ATXN10: variants seen among roughly 807,000 people sequenced by gnomAD.
ATXN10 encodes the protein ataxin 10.
A neutral mutation model predicts 52.9 loss-of-function variants in ATXN10; 28 were observed. The observed-to-expected ratio is 0.53, with a 90% CI of 0.39 to 0.73. The LOEUF is 0.73. Ranked by LOEUF, ATXN10 falls within the 30% of genes least tolerant of loss-of-function variation. The pLI is 0.00. For missense variants in ATXN10, 565 were observed against 577.0 expected, an observed-to-expected ratio of 0.98 and a Z score of 0.21; for synonymous variants, 226 against 221.5, an observed-to-expected ratio of 1.02 and a Z score of -0.18.
chr22:45,679,716 T>C (rs1922844175), intron 1 of ATXN10: 1 of 152,228 alleles, frequency 6.6e-6, no homozygotes. Flanking sequence ...TCAATTAAGT[T>C]ACACTATAAA....
At position 45,827,194 on chromosome 22, in the gene ATXN10, GGAAAT is replaced by G. The variant is rs761204695; in HGVS notation, c.1238-15792_1238-15788del. On this transcript the variant is annotated intron_variant, in intron 10 of 11. Transcript: ENST00000252934. ...ACACGGCTATAGAATATACACAAAA[GGAAAT>G]GAAAAAGGAACTTAAACATTTCAGT... Among the ~76,000 whole-genome samples, 161 of 146,066 alleles carry G rather than the reference GGAAAT, an allele frequency of 1.1e-3. 1 individual carries two copies. Among genetic ancestry groups the G allele is most frequent in the Non-Finnish European group, 5.6e-4 (37 of 65,786 alleles).
chr22:45,775,671 CT>C lies in ATXN10; in HGVS notation c.1174-31286del, dbSNP rs1180322782. ...GTGACTATTTATAATAAAAATGTGA[CT>C]TGCAGTATTGTTATTGAGAGAGATT... is the stretch of plus-strand genomic sequence containing the variant. On this transcript the variant is annotated intron_variant, in intron 9 of 11. Transcript: ENST00000252934. This position sits in a 1 kb window ranked among gnomAD's most constrained non-coding sequence, Gnocchi z 4.7. Among the ~76,000 whole-genome samples the C allele has an allele frequency of 6.6e-5, 10 of 152,136 alleles. No individual in the cohort carries two copies. Among genetic ancestry groups the C allele is most frequent in the African/African-American group, 2.4e-4 (10 of 41,408 alleles).
chr22:45,716,783 C>A (rs893713923), intron 5 of ATXN10, among the ~76,000 whole-genome samples: 1 of 152,030 alleles, frequency 6.6e-6, no homozygotes. Flanking sequence ...AAACATAAGA[C>A]AAAAACAATA....
Position 45,843,299 on chromosome 22 carries a change from A to G in ATXN10, c.1425+121A>G. 9 of 1,163,182 alleles carry G rather than the reference A, an allele frequency of 7.7e-6. No homozygotes were observed. The highest frequency in any genetic ancestry group is 1.0e-5 in the Non-Finnish European group (8 of 796,376). 72.1% of individuals were successfully genotyped at this position (1,163,182 alleles called of 1,614,324 possible). A position where few individuals can be genotyped will look rare whatever the true frequency, so the allele number is the denominator to read the frequency against. On this transcript the variant is annotated intron_variant, in intron 11 of 11. Transcript: ENST00000252934. This position sits in a 1 kb window ranked among gnomAD's most constrained non-coding sequence, Gnocchi z 4.5. ...TGGATGGGAGAATTGTGCCCTCTAT[A>G]GTGGTTTACCGAGGAAAGCCCTAAA...
intron 8 of ATXN10, 65 bp downstream of exon 8, chr22:45,738,904 A>G: frequency 7.5e-7 from 1 of 1,334,284 alleles, no homozygotes; most frequent in Non-Finnish European, 1.1e-6. Context: ...ACTGTAATAT[A>G]AATCCAAATA....
At position 45,690,651 on chromosome 22, in the gene ATXN10, A is replaced by T. The variant is rs890741120; in HGVS notation, c.308+748A>T. Among the ~76,000 whole-genome samples the T allele has an allele frequency of 2.0e-5, 3 of 152,174 alleles. No homozygotes were observed. Among genetic ancestry groups the T allele is most frequent in the Non-Finnish European group, 4.4e-5 (3 of 68,040 alleles). On this transcript the variant is annotated intron_variant, in intron 2 of 11. Transcript: ENST00000252934. This position sits in a 1 kb window ranked among gnomAD's most constrained non-coding sequence, Gnocchi z 4.5. The stretch of plus-strand genomic sequence containing the variant: ...GCATATTTTGTAAATTTACAAGATG[A>T]CCTGTCTTTCCTAAAGATCATGTAA...
rs1376594621 is a variant in ATXN10 at position 45,790,926 on chromosome 22, C to T, written c.1174-16033C>T. On this transcript the variant is annotated intron_variant, in intron 9 of 11. Coordinates refer to ENST00000252934, the MANE Select transcript of ATXN10 (RefSeq NM_013236.4). The surrounding 1 kb of genome is among the most constrained non-coding windows in gnomAD (Gnocchi z 4.7). ...CTGCAGTGCAGTGGCACAGACATAGCTTACTGTACTCTCGAACTCCTGGGC... is the reference window on the plus strand; with the variant it reads ...CTGCAGTGCAGTGGCACAGACATAGTTTACTGTACTCTCGAACTCCTGGGC... 6.6e-6 allele frequency among the ~76,000 whole-genome samples: 1 copy of T among 152,222 alleles called. No homozygotes were observed. The highest frequency in any genetic ancestry group is 1.5e-5 in the Non-Finnish European group (1 of 68,034).
chr22:45,713,436 T>G, intron 5 of ATXN10, among the ~76,000 whole-genome samples: 1 of 152,186 alleles, frequency 6.6e-6, no homozygotes, highest in East Asian at 1.9e-4. Context: ...TGTGATGACA[T>G]TTAAATGATG....
Position 45,780,612 on chromosome 22 carries a change from C to G in ATXN10, c.1174-26347C>G, listed in dbSNP as rs1198192116. The stretch of plus-strand genomic sequence containing the variant: ...CTCATAGGGAGGATTAGGTCAGATA[C>G]TACATGTAACGTGAACAGTGCTGGC... On this transcript the variant is annotated intron_variant, in intron 9 of 11. Transcript: ENST00000252934. The surrounding 1 kb of genome is among the most constrained non-coding windows in gnomAD (Gnocchi z 4.0). Among the ~76,000 whole-genome samples the G allele has an allele frequency of 6.6e-6, 1 of 152,166 alleles. No homozygotes were observed. The highest frequency in any genetic ancestry group is 1.5e-5 in the Non-Finnish European group (1 of 68,028).
chr22:45,700,000 T>C (rs183735009), intron 3 of ATXN10, among the ~76,000 whole-genome samples: 15 of 151,534 alleles, frequency 9.9e-5, no homozygotes, highest in Admixed American at 6.6e-4. Flanking sequence ...TTAGTAGAGA[T>C]GGGGTTTTGA....
In ATXN10 at chr22:45,826,009, C is replaced by T. The variant is rs1397109516; in HGVS notation, c.1238-16982C>T. Among the ~76,000 whole-genome samples, 8 of 152,130 alleles carry T rather than the reference C, an allele frequency of 5.3e-5. No individual in the cohort carries two copies. The highest frequency in any genetic ancestry group is 1.9e-4 in the African/African-American group (8 of 41,420). On this transcript the variant is annotated intron_variant, in intron 10 of 11. Coordinates refer to ENST00000252934, the MANE Select transcript of ATXN10 (RefSeq NM_013236.4). This position sits in a 1 kb window ranked among gnomAD's most constrained non-coding sequence, Gnocchi z 5.0. ...CCCAGGAGGTGGAGGTTGCAATGAG[C>T]TGAGATTGTGCCACTGTGCTGTAGC...
In ATXN10 at chr22:45,807,002, A is replaced by C; in HGVS notation, c.1217A>C (p.Asn406Thr). ...ATCCCGTTGATCCTGGACAACTGCA[A>C]CATCAGTGACAGTAACCCCTGTATC... is the stretch of plus-strand genomic sequence containing the variant. ...DGIPLILDNC[N>T]ISDSNPFLTQ... The change falls in exon 10 of 12, where the codon AAC becomes ACC. Residue 406 changes from asparagine to threonine, a missense_variant. Coordinates refer to ENST00000252934, the MANE Select transcript of ATXN10 (RefSeq NM_013236.4). The C allele has an allele frequency of 6.2e-7, 1 of 1,614,052 alleles. No individual in the cohort carries two copies. Among genetic ancestry groups the C allele is most frequent in the East Asian group, 2.2e-5 (1 of 44,884 alleles).
chr22:45,836,983 G>A (rs1929187614), intron 10 of ATXN10, among the ~76,000 whole-genome samples: 1 of 152,056 alleles, frequency 6.6e-6, no homozygotes, highest in African/African-American at 2.4e-5. Context: ...GGTTCTAATT[G>A]TGCGCCCCTC....
Position 45,758,296 on chromosome 22 carries a change from G to A in ATXN10, c.1173+17758G>A, listed in dbSNP as rs374946110. On this transcript the variant is annotated intron_variant, in intron 9 of 11. Transcript: ENST00000252934. Reference sequence around the variant, plus strand: ...CATAGGTACTTGACAGACCACCAGTGCCTCCATGGAGCACCACCATTGTTA... The same window carrying A: ...CATAGGTACTTGACAGACCACCAGTACCTCCATGGAGCACCACCATTGTTA... 9.2e-5 allele frequency among the ~76,000 whole-genome samples: 14 copies of A among 152,340 alleles called. No individual in the cohort carries two copies. The South Asian group carries it at 1.9e-3, about 20-fold the overall frequency.
In ATXN10 at chr22:45,766,646, G is replaced by C. The variant is rs1210964219; in HGVS notation, c.1173+26108G>C. Among the ~76,000 whole-genome samples the C allele has an allele frequency of 1.3e-5, 2 of 152,102 alleles. No homozygotes were observed. Among genetic ancestry groups the C allele is most frequent in the Non-Finnish European group, 2.9e-5 (2 of 68,042 alleles). On this transcript the variant is annotated intron_variant, in intron 9 of 11. Coordinates refer to ENST00000252934, the MANE Select transcript of ATXN10 (RefSeq NM_013236.4). The surrounding 1 kb of genome is among the most constrained non-coding windows in gnomAD (Gnocchi z 4.6). ...TTCCGTTATATAACCTCCGAGTCTG[G>C]AAGCAATAAGAGAAAAGGTTGATAA...
At chr22:45,689,539 T>G in intron 1 of ATXN10, 173 bp from the exon 2 acceptor site, 1 of 634,372 alleles carries the variant, frequency 1.6e-6, no homozygotes, top group South Asian at 1.9e-5. Flanking sequence ...GTCTGGTGCA[T>G]AGTAAGTGCT....
intron 9 of ATXN10, among the ~76,000 whole-genome samples, chr22:45,747,191 T>C (rs567207115): frequency 2.0e-5 from 3 of 152,262 alleles, no homozygotes; most frequent in Non-Finnish European, 2.9e-5. Context: ...ATTGGGGAAT[T>C]CCAGGCAGGG....
At position 45,788,490 on chromosome 22, in the gene ATXN10, G is replaced by T. The variant is rs974826592; in HGVS notation, c.1174-18469G>T. Reference sequence around the variant, plus strand: ...GCATCTTTCTGTCCCCACTGCTGTCGCAGGCTTCAGGCCTGCATCACCTTT... The same window carrying T: ...GCATCTTTCTGTCCCCACTGCTGTCTCAGGCTTCAGGCCTGCATCACCTTT... On this transcript the variant is annotated intron_variant, in intron 9 of 11. Coordinates refer to ENST00000252934, the MANE Select transcript of ATXN10 (RefSeq NM_013236.4). Among the ~76,000 whole-genome samples, 3 of 151,342 alleles carry T rather than the reference G, an allele frequency of 2.0e-5. No homozygotes were observed. In the South Asian group the frequency reaches 6.3e-4, roughly 32 times the overall value.
At position 45,751,680 on chromosome 22, in the gene ATXN10, T is replaced by C. The variant is rs117814155; in HGVS notation, c.1173+11142T>C. 3.3e-3 allele frequency among the ~76,000 whole-genome samples: 501 copies of C among 150,452 alleles called. 6 individuals carry two copies. The highest frequency in any genetic ancestry group is 0.025 in the Admixed American group (373 of 15,066). On this transcript the variant is annotated intron_variant, in intron 9 of 11. Coordinates refer to ENST00000252934, the MANE Select transcript of ATXN10 (RefSeq NM_013236.4). ...TATATCTCCCCAGGCTTCGTTTTCT[T>C]GGTTAAATGAGAAAAGTGCTCTTAT...
Sources: gnomAD v4.1 joint callset for allele counts (sites outside exome capture counted in the v4.1 genomes callset) on GRCh38, gnomAD v4.1.1 for gene constraint, Gnocchi (gnomAD v3.1) non-coding constraint, MANE v1.5 for transcripts, NCBI Gene and HGNC (gene_info 2026-07-23, HGNC 2026-07-21) for gene names.